The following LRP1B variants were observed in gnomAD, a reference collection of about 807,000 sequenced individuals.
LRP1B encodes LDL receptor related protein 1B, also known as low-density lipoprotein receptor-related protein 1B.
LRP1B carries 217 observed loss-of-function variants against 556.6 expected under a neutral mutation model. The observed-to-expected ratio is 0.39, with a 90% CI of 0.35 to 0.44. LRP1B has a LOEUF of 0.44. Among genes scored for constraint, LRP1B ranks in the 20% least tolerant of loss-of-function variants. LRP1B has a pLI of 1.00. For missense variants in LRP1B, 5,053 were observed against 5,620.8 expected (o/e 0.90, Z 3.23); for synonymous variants, 2,047 against 1,865.8 (o/e 1.10, Z -2.50).
At chr2:141,918,598 A>G (rs1558960950) in intron 1 of LRP1B, among the ~76,000 whole-genome samples, 1 of 152,132 alleles carries the variant, frequency 6.6e-6, no homozygotes, top group Non-Finnish European at 1.5e-5. Context: ...CACAAACCAC[A>G]GAGTTTTCCT....
chr2:141,243,650 ACTTTT>A (rs908486574), intron 5 of LRP1B, among the ~76,000 whole-genome samples: 4 of 152,284 alleles, frequency 2.6e-5, no homozygotes, highest in African/African-American at 4.8e-5. Flanking sequence ...TATGTTTCAG[ACTTTT>A]CTTTTGGAAA....
chr2:141,943,402 C>T (rs529705356), intron 1 of LRP1B, among the ~76,000 whole-genome samples: 2 of 152,270 alleles, frequency 1.3e-5, no homozygotes, highest in South Asian at 2.1e-4. Context: ...CTCCTTTCAA[C>T]CCCCTGCTAA....
At position 141,406,081 on chromosome 2, in the gene LRP1B, T is replaced by C. The variant is rs193268707; in HGVS notation, c.343+74315A>G. The stretch of plus-strand genomic sequence containing the variant: ...TAGCCTTCTTATAAGTAGATCTTTG[T>C]AACAAACTAATTTGATCCCTAAAAC... On this transcript the variant is annotated intron_variant, in intron 3 of 90. Coordinates refer to ENST00000389484, the MANE Select transcript of LRP1B (RefSeq NM_018557.3). 4.7e-3 allele frequency among the ~76,000 whole-genome samples: 720 copies of C among 152,202 alleles called. 8 individuals carry two copies. Among genetic ancestry groups the C allele is most frequent in the African/African-American group, 0.016 (649 of 41,560 alleles).
At chr2:140,870,443 C>CAG (rs1473957825) in intron 25 of LRP1B, among the ~76,000 whole-genome samples, 2 of 152,162 alleles carry the variant, frequency 1.3e-5, no homozygotes, top group Non-Finnish European at 2.9e-5. Context: ...AAGCCTCAAC[C>CAG]ATCTGGTCCT....
intron 66 of LRP1B, among the ~76,000 whole-genome samples, chr2:140,431,847 T>C (rs1392709834): frequency 6.6e-6 from 1 of 152,070 alleles, no homozygotes; most frequent in East Asian, 1.9e-4. Flanking sequence ...CTACTCTAGG[T>C]TCCCACACCG....
intron 2 of LRP1B, among the ~76,000 whole-genome samples, chr2:141,698,912 C>G (rs905140250): frequency 1.3e-5 from 2 of 151,744 alleles, no homozygotes; most frequent in Non-Finnish European, 2.9e-5. Context: ...AGCCAGGACC[C>G]AGAGTTATTT....
chr2:142,046,085 A>C (rs1173580863), intron 1 of LRP1B, among the ~76,000 whole-genome samples: 1 of 151,900 alleles, frequency 6.6e-6, no homozygotes, highest in Non-Finnish European at 1.5e-5. Flanking sequence ...AAAAGGAGAG[A>C]CCAAAAAAAG....
chr2:141,684,027 T>C (rs1165242487), intron 2 of LRP1B, among the ~76,000 whole-genome samples: 1 of 152,002 alleles, frequency 6.6e-6, no homozygotes, highest in African/African-American at 2.4e-5. Context: ...GTGGAACTGA[T>C]TGTGGAAGAC....
chr2:141,699,224 T>C (rs1691847037), intron 2 of LRP1B, among the ~76,000 whole-genome samples: 2 of 151,840 alleles, frequency 1.3e-5, no homozygotes. Flanking sequence ...CTGGTCTCTC[T>C]TCCTAGAGAC....
intron 3 of LRP1B, among the ~76,000 whole-genome samples, chr2:141,296,703 C>G (rs1305237764): frequency 6.6e-6 from 1 of 152,114 alleles, no homozygotes; most frequent in Admixed American, 6.6e-5. Context: ...TGTTGACACC[C>G]TTTTAGAAAA....
chr2:140,983,165 T>C (rs764352758), intron 17 of LRP1B, among the ~76,000 whole-genome samples: 3 of 152,150 alleles, frequency 2.0e-5, no homozygotes, highest in East Asian at 1.9e-4. Context: ...TTTTATCCTC[T>C]GATTTTCATT....
intron 1 of LRP1B, among the ~76,000 whole-genome samples, chr2:142,067,543 G>T (rs1705150777): frequency 6.6e-6 from 1 of 151,468 alleles, no homozygotes; most frequent in Admixed American, 6.6e-5. Context: ...AACCCAAAGT[G>T]GAAGTCATCC....
rs1700305668 is a variant in LRP1B at position 141,096,470 on chromosome 2, C to T, written c.1014-34197G>A. 2.0e-5 allele frequency among the ~76,000 whole-genome samples: 3 copies of T among 151,966 alleles called. 1 individual carries two copies. In the South Asian group the frequency reaches 6.2e-4, roughly 31 times the overall value. On this transcript the variant is annotated intron_variant, in intron 7 of 90. Transcript: ENST00000389484. ...CGGGATGATGATGCATGCCTGTAATCCCAGCTACTGGGGAGGCTGAGGCAG... is the reference window on the plus strand; with the variant it reads ...CGGGATGATGATGCATGCCTGTAATTCCAGCTACTGGGGAGGCTGAGGCAG...
At chr2:141,257,251 G>A (rs1235568184) in intron 3 of LRP1B, among the ~76,000 whole-genome samples, 1 of 152,126 alleles carries the variant, frequency 6.6e-6, no homozygotes, top group Non-Finnish European at 1.5e-5. Context: ...AGCAGGAAAG[G>A]TTTCTCACAG....
chr2:141,708,779 C>T (rs184064929), intron 2 of LRP1B, among the ~76,000 whole-genome samples: 135 of 152,032 alleles, frequency 8.9e-4, no homozygotes, highest in African/African-American at 3.1e-3. Flanking sequence ...CTAATCCGAC[C>T]GTGTTGTTAT....
chr2:141,227,893 T>G (rs1683306355), intron 6 of LRP1B, among the ~76,000 whole-genome samples: 1 of 152,176 alleles, frequency 6.6e-6, no homozygotes, highest in African/African-American at 2.4e-5. Flanking sequence ...AGCATTCTTC[T>G]TTTCCGCTTG....
chr2:140,504,037 T>TA (rs1689305022), intron 53 of LRP1B, among the ~76,000 whole-genome samples: 1 of 152,098 alleles, frequency 6.6e-6, no homozygotes, highest in African/African-American at 2.4e-5. Context: ...ATTTAACAAA[T>TA]ACAGTGAAGT....
Position 140,233,335 on chromosome 2 carries a change from G to GA in LRP1B, c.13660-10dup, listed in dbSNP as rs750586052. 64 of 1,552,706 alleles carry GA rather than the reference G, an allele frequency of 4.1e-5. No individual in the cohort carries two copies. Among genetic ancestry groups the GA allele is most frequent in the Middle Eastern group, 1.8e-4 (1 of 5,596 alleles). ...TTGGAGTAATTTGTTGGCTGAAGGA[G>GA]AAAAAAAATAAATATAATTTTATTA... is the stretch of plus-strand genomic sequence containing the variant. On this transcript the variant is annotated splice_polypyrimidine_tract_variant and intron_variant, in intron 90 of 90. Transcript: ENST00000389484.
At chr2:141,525,587 C>G (rs908323762) in intron 2 of LRP1B, among the ~76,000 whole-genome samples, 1 of 152,034 alleles carries the variant, frequency 6.6e-6, no homozygotes, top group Non-Finnish European at 1.5e-5. Flanking sequence ...ATGCTTTCAA[C>G]TGGTCACTCA....
Sources: allele counts gnomAD v4.1 joint callset (sites outside exome capture counted in the v4.1 genomes callset), GRCh38; gene constraint gnomAD v4.1.1; transcripts MANE v1.5; gene names NCBI Gene and HGNC (gene_info 2026-07-23, HGNC 2026-07-21).